The following ANKRD12 variants were observed in gnomAD, a reference collection of about 807,000 sequenced individuals.
The protein encoded by ANKRD12 is ankyrin repeat domain 12.
A neutral mutation model predicts 183.4 loss-of-function variants in ANKRD12; 85 were observed. The ratio of observed to expected loss-of-function variants is 0.46; its 90% confidence interval spans 0.39 to 0.56. The LOEUF (loss-of-function observed/expected upper bound fraction) is 0.56, where lower values mean the gene tolerates loss of function less well. ANKRD12 is among the 20% of genes least tolerant of loss of function. The pLI, the probability that ANKRD12 is intolerant of heterozygous loss-of-function variation, is 0.00. For missense variants in ANKRD12, 2,405 were observed against 2,357.1 expected (o/e 1.02, Z -0.42); for synonymous variants, 914 against 800.2 (o/e 1.14, Z -2.40).
chr18:9,151,322 G>A (rs534767352), intron 1 of ANKRD12, among the ~76,000 whole-genome samples: 52 of 152,136 alleles, frequency 3.4e-4, no homozygotes, highest in African/African-American at 1.0e-3. Flanking sequence ...TTGCATGTGA[G>A]GAAAACAGCA....
intron 1 of ANKRD12, among the ~76,000 whole-genome samples, chr18:9,142,856 C>A (rs865836135): frequency 6.7e-6 from 1 of 149,140 alleles, no homozygotes; most frequent in Non-Finnish European, 1.5e-5. Context: ...TGCACTCCAG[C>A]CTGGGAGACA....
chr18:9,243,556 C>G (rs377178652), intron 8 of ANKRD12, among the ~76,000 whole-genome samples: 33 of 152,264 alleles, frequency 2.2e-4, no homozygotes, highest in African/African-American at 7.2e-4. Flanking sequence ...GGAGGTTACA[C>G]AGGGCAGTGG....
intron 1 of ANKRD12, among the ~76,000 whole-genome samples, chr18:9,171,817 C>G (rs568875496): frequency 6.6e-6 from 1 of 151,890 alleles, no homozygotes; most frequent in African/African-American, 2.4e-5. Context: ...GTCAGGAGTT[C>G]GAGACCAGCC....
In ANKRD12 at chr18:9,281,224, ATTG is replaced by A. The variant is rs528650930; in HGVS notation, c.*101_*103del. On this transcript the variant is annotated 3_prime_UTR_variant, in exon 13 of 13. Coordinates refer to ENST00000262126, the MANE Select transcript of ANKRD12 (RefSeq NM_015208.5). The stretch of plus-strand genomic sequence containing the variant: ...TGACAAAAATACTCATGCCTTTACA[ATTG>A]TTAGTAAAGTTCGATTATAGTTGGT... The A allele has an allele frequency of 3.4e-3, 3,418 of 1,005,814 alleles. 13 individuals carry two copies. Among genetic ancestry groups the A allele is most frequent in the Non-Finnish European group, 4.2e-3 (2,896 of 692,674 alleles). 62.3% of individuals were successfully genotyped at this position (1,005,814 alleles called of 1,614,324 possible).
At chr18:9,180,317 C>T (rs1306896558) in intron 1 of ANKRD12, among the ~76,000 whole-genome samples, 1 of 152,094 alleles carries the variant, frequency 6.6e-6, no homozygotes, top group Non-Finnish European at 1.5e-5. Flanking sequence ...TCCATGGGTT[C>T]TTTTTCCATT....
intron 1 of ANKRD12, among the ~76,000 whole-genome samples, chr18:9,177,870 T>C (rs73392359): frequency 2.3e-3 from 351 of 152,326 alleles, no homozygotes; most frequent in African/African-American, 8.0e-3. Context: ...TGCGCATCTT[T>C]TCCTGTGCTT....
intron 9 of ANKRD12, among the ~76,000 whole-genome samples, chr18:9,261,702 C>A (rs865788687): frequency 1.3e-5 from 2 of 152,136 alleles, no homozygotes; most frequent in Admixed American, 1.3e-4. Flanking sequence ...TCTGCAGATA[C>A]CATTCTGTTT....
rs1417834165 is a variant in ANKRD12, at chr18:9,257,145, A to G, written c.3878A>G (p.Asp1293Gly). The G allele has an allele frequency of 6.2e-7, 1 of 1,614,168 alleles. No homozygotes were observed. Among genetic ancestry groups the G allele is most frequent in the South Asian group, 1.1e-5 (1 of 91,086 alleles). Residue 1293 changes from aspartate (D) to glycine (G), a missense_variant, in exon 9 of 13, where the codon GAT becomes GGT. Asp to Gly is a moderately conservative substitution (Grantham distance 94). Around this residue, in one of 7 missense-constraint regions of ANKRD12, gnomAD observed 1,983 missense variants for 1,725.9 expected, o/e 1.15. Transcript: ENST00000262126. Reference protein sequence around the residue: ...TSHLRSSSVEDVKLIISEGRP... With the variant: ...TSHLRSSSVEGVKLIISEGRP... The stretch of plus-strand genomic sequence containing the variant: ...CATCTTAGGTCATCTTCTGTAGAAG[A>G]TGTTAAACTAATTATAAGCGAGGGG...
chr18:9,207,959 G>C (rs1030199202), intron 4 of ANKRD12, among the ~76,000 whole-genome samples: 1 of 152,144 alleles, frequency 6.6e-6, no homozygotes, highest in Admixed American at 6.5e-5. Flanking sequence ...GTTGCTAATG[G>C]GTTTCCCAGA....
At chr18:9,267,057 G>C (rs564591139) in intron 10 of ANKRD12, among the ~76,000 whole-genome samples, 1 of 152,068 alleles carries the variant, frequency 6.6e-6, no homozygotes, top group Non-Finnish European at 1.5e-5. Context: ...AATTCAACAA[G>C]AAGAGCTAAC....
chr18:9,204,328 A>G (rs2035357206), intron 3 of ANKRD12, 148 bp from the exon 4 acceptor site: 1 of 635,994 alleles, frequency 1.6e-6, no homozygotes, highest in African/African-American at 1.9e-5. Context: ...TGTTTTAAAT[A>G]TAATTTTGGC....
chr18:9,264,412 G>T (rs2039157576), intron 10 of ANKRD12, among the ~76,000 whole-genome samples: 1 of 152,180 alleles, frequency 6.6e-6, no homozygotes, highest in African/African-American at 2.4e-5. Context: ...GGGGAGGGTT[G>T]AGGACCTCTG....
At chr18:9,208,235 G>A (rs186741653) in intron 4 of ANKRD12, among the ~76,000 whole-genome samples, 1 of 152,158 alleles carries the variant, frequency 6.6e-6, no homozygotes, top group East Asian at 1.9e-4. Context: ...AATCATTGCT[G>A]GAATTAAGGA....
chr18:9,255,949 TAAAA>T lies in ANKRD12; in HGVS notation c.2686_2689del (p.Lys896LeufsTer26). 1.3e-6 allele frequency: 2 copies of T among 1,577,350 alleles called. No homozygotes were observed. The highest frequency in any genetic ancestry group is 1.7e-6 in the Non-Finnish European group (2 of 1,169,582). ...AGAAGAGCAAAAATACTGCTGCTAT[TAAAA>T]AAACTGACGACAGAGAGAAAAGTAG... On this transcript the variant is annotated frameshift_variant, in exon 9 of 13. Coordinates refer to ENST00000262126, the MANE Select transcript of ANKRD12 (RefSeq NM_015208.5). LOFTEE classifies it high-confidence loss of function.
At chr18:9,145,784 T>C (rs557852552) in intron 1 of ANKRD12, among the ~76,000 whole-genome samples, 1 of 152,348 alleles carries the variant, frequency 6.6e-6, no homozygotes, top group African/African-American at 2.4e-5. Context: ...CACATTTTCT[T>C]AGAAAGTAAT....
intron 1 of ANKRD12, among the ~76,000 whole-genome samples, chr18:9,157,603 AT>A (rs560783016): frequency 0.42 from 35,164 of 83,118 alleles, 9,964 homozygotes; most frequent in South Asian, 0.66. Flanking sequence ...ATATATATGT[AT>A]TTTTTTTTTT....
intron 8 of ANKRD12, among the ~76,000 whole-genome samples, chr18:9,241,028 A>C (rs2037629314): frequency 6.6e-6 from 1 of 152,190 alleles, no homozygotes; most frequent in Non-Finnish European, 1.5e-5. Context: ...CTAATAGTTA[A>C]TAAGAGATCC....
At chr18:9,209,174 C>A (rs1687943579) in intron 5 of ANKRD12, among the ~76,000 whole-genome samples, 1 of 151,980 alleles carries the variant, frequency 6.6e-6, no homozygotes, top group African/African-American at 2.4e-5. Flanking sequence ...ACTGTGTTCT[C>A]CAAAAATAAT....
rs923325700 is a variant in ANKRD12 at position 9,285,506 on chromosome 18, C to T, written c.*4380C>T. ...GTTTAAAAGGCACCACCTATGCACT[C>T]ATCACTCAAGAGAATATCAATAACT... is the stretch of plus-strand genomic sequence containing the variant. On this transcript the variant is annotated 3_prime_UTR_variant, in exon 13 of 13. Coordinates refer to ENST00000262126, the MANE Select transcript of ANKRD12 (RefSeq NM_015208.5). 1 of 151,560 alleles carries T rather than the reference C, an allele frequency of 6.6e-6. No homozygotes were observed. The highest frequency in any genetic ancestry group is 1.5e-5 in the Non-Finnish European group (1 of 67,920). 9.4% of individuals were successfully genotyped at this position (151,560 alleles called of 1,614,324 possible).
Sources: allele counts gnomAD v4.1 joint callset (sites outside exome capture counted in the v4.1 genomes callset), GRCh38; gene constraint gnomAD v4.1.1; regional missense constraint gnomAD v4.1.1; transcripts MANE v1.5; gene names NCBI Gene and HGNC (gene_info 2026-07-23, HGNC 2026-07-21).